The following ZEB1 variants were observed in gnomAD, a reference collection of about 807,000 sequenced individuals.
The protein encoded by ZEB1 is zinc finger E-box-binding homeobox 1.
Under a neutral mutation model 84.9 loss-of-function variants are expected in ZEB1, and 21 were observed. That is an observed-to-expected ratio of 0.25 (90% CI 0.18 to 0.36). The LOEUF is 0.36. ZEB1 is among the 10% of genes least tolerant of loss of function. ZEB1 has a pLI of 1.00. For missense variants in ZEB1, 1,104 were observed against 1,330.2 expected (o/e 0.83, Z 2.65); for synonymous variants, 420 against 471.1 (o/e 0.89, Z 1.41).
chr10:31,402,091 TTTGTTGTTG>T (rs578068558), intron 1 of ZEB1, among the ~76,000 whole-genome samples: 1 of 151,226 alleles, frequency 6.6e-6, no homozygotes, highest in Non-Finnish European at 1.5e-5. Flanking sequence ...AAGTCAGTAT[TTTGTTGTTG>T]TTGTTGTTGC....
intron 2 of ZEB1, among the ~76,000 whole-genome samples, chr10:31,473,103 TACTG>T (rs2063512792): frequency 6.7e-6 from 1 of 149,690 alleles, no homozygotes; most frequent in South Asian, 2.1e-4. Flanking sequence ...GCCAATATCA[TACTG>T]AATGGGCAAA....
At chr10:31,460,508 C>A (rs1017770833) in intron 1 of ZEB1, among the ~76,000 whole-genome samples, 2 of 151,952 alleles carry the variant, frequency 1.3e-5, no homozygotes, top group East Asian at 3.9e-4. Flanking sequence ...TCTTAAGTTG[C>A]AATCCTTTAA....
At chr10:31,469,469 C>T (rs1032233523) in intron 2 of ZEB1, among the ~76,000 whole-genome samples, 70 of 152,108 alleles carry the variant, frequency 4.6e-4, no homozygotes, top group South Asian at 4.1e-4. Flanking sequence ...CCTGGAAAAT[C>T]GGGTCACTCC....
chr10:31,361,448 T>C (rs1201281533), intron 1 of ZEB1, among the ~76,000 whole-genome samples: 1 of 152,200 alleles, frequency 6.6e-6, no homozygotes, highest in African/African-American at 2.4e-5. Flanking sequence ...TAAACTTTAA[T>C]GTCGAAAATG....
rs766613464 is a variant in ZEB1 at position 31,319,222 on chromosome 10, A to G, written c.-13A>G. On this transcript the variant is annotated 5_prime_UTR_variant, in exon 1 of 9. Coordinates refer to ENST00000424869, the MANE Select transcript of ZEB1 (RefSeq NM_001174096.2). ...GGAGGTGACTCGAGCATTTAGACAC[A>G]AGCGAGAGGATCATGGCGGATGGCC... 18 of 1,603,812 alleles carry G rather than the reference A, an allele frequency of 1.1e-5. No homozygotes were observed. Among genetic ancestry groups the G allele is most frequent in the Non-Finnish European group, 1.4e-5 (17 of 1,176,190 alleles).
intron 2 of ZEB1, among the ~76,000 whole-genome samples, chr10:31,472,792 T>C (rs2063462675): frequency 2.9e-5 from 4 of 140,078 alleles, no homozygotes; most frequent in Admixed American, 2.7e-4. Flanking sequence ...TGATGAACAT[T>C]GATGCAAAAA....
intron 1 of ZEB1, among the ~76,000 whole-genome samples, chr10:31,455,065 A>G (rs1035146160): frequency 1.3e-5 from 2 of 152,238 alleles, no homozygotes; most frequent in African/African-American, 2.4e-5. Flanking sequence ...CAAAATAGAT[A>G]TATAGACCAA....
chr10:31,483,368 A>G (rs1247860486), intron 2 of ZEB1, among the ~76,000 whole-genome samples: 1 of 152,036 alleles, frequency 6.6e-6, no homozygotes, highest in East Asian at 1.9e-4. Flanking sequence ...ACATTAAGTA[A>G]TGGAAAGCCA....
chr10:31,417,281 C>G (rs867060865), intron 1 of ZEB1, among the ~76,000 whole-genome samples: 7 of 152,106 alleles, frequency 4.6e-5, no homozygotes, highest in Non-Finnish European at 1.0e-4. Context: ...TCTGTTCCCA[C>G]TTCTTGTCCT....
intron 2 of ZEB1, among the ~76,000 whole-genome samples, chr10:31,472,293 A>G (rs1213137624): frequency 6.6e-6 from 1 of 151,466 alleles, no homozygotes; most frequent in Non-Finnish European, 1.5e-5. Context: ...TGAAAGGGTC[A>G]AGAAAATAGA....
intron 1 of ZEB1, among the ~76,000 whole-genome samples, chr10:31,444,936 T>G (rs1490851722): frequency 6.6e-6 from 1 of 152,168 alleles, no homozygotes; most frequent in East Asian, 1.9e-4. Flanking sequence ...AGTAGTTTTT[T>G]TCCAATTCTG....
chr10:31,502,612 G>A (rs1382280191), intron 4 of ZEB1, 103 bp downstream of exon 4: 2 of 1,459,560 alleles, frequency 1.4e-6, no homozygotes, highest in East Asian at 4.6e-5. Context: ...CATTCTTGAA[G>A]ACCAAACTTT....
At chr10:31,500,792 G>A (rs1342046789) in intron 3 of ZEB1, among the ~76,000 whole-genome samples, 1 of 152,136 alleles carries the variant, frequency 6.6e-6, no homozygotes, top group African/African-American at 2.4e-5. Context: ...GGAAGCTGAG[G>A]ATCCGGGAGT....
chr10:31,362,342 C>T (rs749699875), intron 1 of ZEB1, among the ~76,000 whole-genome samples: 16 of 151,174 alleles, frequency 1.1e-4, no homozygotes, highest in Non-Finnish European at 1.6e-4. Context: ...CGAGCAGAGG[C>T]GCTCCTCACT....
chr10:31,502,504 A>G lies in ZEB1; in HGVS notation c.479A>G (p.Glu160Gly), dbSNP rs554218294. The G allele has an allele frequency of 6.2e-7, 1 of 1,613,816 alleles. No homozygotes were observed. The highest frequency in any genetic ancestry group is 1.1e-5 in the South Asian group (1 of 91,080). ...ACACCAGAAGCCAGTGGTCATGATGAAAATGGTAAATGGATCTTAACAGTT... is the reference window on the plus strand; with the variant it reads ...ACACCAGAAGCCAGTGGTCATGATGGAAATGGTAAATGGATCTTAACAGTT... ...QGTPEASGHD[E>G]NGTPDAFSQL... Residue 160 changes from glutamate (E) to glycine (G), a missense_variant, in exon 4 of 9, where the codon GAA becomes GGA. Glu to Gly is a moderately conservative substitution (Grantham distance 98, BLOSUM62 -2). Transcript: ENST00000424869.
rs534427579 is a variant in ZEB1 at position 31,518,267 on chromosome 10, G to A, written c.794-1859G>A. ...ATAAATTGGAGAATCCCCAGAGGTG[G>A]GTTAACAAGCAGGTAAGGGTTCTAA... On this transcript the variant is annotated intron_variant, in intron 6 of 8. Transcript: ENST00000424869. Among the ~76,000 whole-genome samples the A allele has an allele frequency of 2.0e-5, 3 of 152,202 alleles. No individual in the cohort carries two copies. The South Asian group carries it at 6.2e-4, about 32-fold the overall frequency.
intron 2 of ZEB1, among the ~76,000 whole-genome samples, chr10:31,483,435 G>A (rs576970696): frequency 6.6e-6 from 1 of 151,888 alleles, no homozygotes; most frequent in South Asian, 2.1e-4. Flanking sequence ...TTTCTTATAG[G>A]TCCAACAGAA....
At chr10:31,337,289 A>C (rs1386416292) in intron 1 of ZEB1, among the ~76,000 whole-genome samples, 1 of 152,186 alleles carries the variant, frequency 6.6e-6, no homozygotes, top group Non-Finnish European at 1.5e-5. Context: ...GTCTATGATA[A>C]ACATAAAATT....
chr10:31,341,199 GGAGGCA>G (rs2039294201), intron 1 of ZEB1, among the ~76,000 whole-genome samples: 1 of 152,108 alleles, frequency 6.6e-6, no homozygotes, highest in Non-Finnish European at 1.5e-5. Flanking sequence ...GAAAAAGATT[GGAGGCA>G]GAGAGGCCAT....
Sources: gnomAD v4.1 joint callset for allele counts (sites outside exome capture counted in the v4.1 genomes callset) on GRCh38, gnomAD v4.1.1 for gene constraint, MANE v1.5 for transcripts, NCBI Gene and HGNC (gene_info 2026-07-23, HGNC 2026-07-21) for gene names.